Variants in TXNDC8 observed in about 807,000 individuals in gnomAD.
TXNDC8 encodes the protein thioredoxin domain-containing protein 8.
In TXNDC8, 15 loss-of-function variants were observed where a neutral mutation model predicts 12.9. The observed-to-expected ratio is 1.16, with a 90% CI of 0.78 to 1.79. The LOEUF (loss-of-function observed/expected upper bound fraction) is 1.79, where lower values mean the gene tolerates loss of function less well. Ranked by LOEUF, TXNDC8 falls within the 40% of genes most tolerant of loss-of-function variation. TXNDC8 has a pLI of 0.00. For missense variants in TXNDC8, 128 were observed against 113.2 expected (o/e 1.13, Z -0.59); for synonymous variants, 40 against 35.4 (o/e 1.13, Z -0.46).
At chr9:110,318,284 G>A (rs141571170) in intron 3 of TXNDC8, among the ~76,000 whole-genome samples, 12 of 152,088 alleles carry the variant, frequency 7.9e-5, no homozygotes, top group African/African-American at 2.4e-4. Context: ...TTTTTTCTGC[G>A]CTTTTTCTCT....
chr9:110,316,033 G>A (rs1360147108), intron 3 of TXNDC8, among the ~76,000 whole-genome samples: 5 of 151,706 alleles, frequency 3.3e-5, no homozygotes, highest in African/African-American at 1.2e-4. Context: ...GAGTAGCTGG[G>A]ATTATAGACA....
chr9:110,304,076 G>C (rs925871594), intron 4 of TXNDC8, among the ~76,000 whole-genome samples: 3 of 152,204 alleles, frequency 2.0e-5, no homozygotes, highest in Non-Finnish European at 2.9e-5. Context: ...GCATTTCATA[G>C]TGGATGGTAT....
intron 3 of TXNDC8, among the ~76,000 whole-genome samples, chr9:110,325,134 A>T (rs75588949): frequency 0.13 from 19,159 of 151,998 alleles, 1,403 homozygotes; most frequent in African/African-American, 0.2. Context: ...CCCCCGAAAA[A>T]AAAAGAACAA....
intron 3 of TXNDC8, among the ~76,000 whole-genome samples, chr9:110,319,372 G>A (rs1385274164): frequency 6.6e-6 from 1 of 152,166 alleles, no homozygotes; most frequent in Non-Finnish European, 1.5e-5. Flanking sequence ...TCAGAGAGAT[G>A]GCCGTGCACA....
intron 2 of TXNDC8, among the ~76,000 whole-genome samples, chr9:110,326,940 G>GCACACA (rs377527245): frequency 0.093 from 13,253 of 142,846 alleles, 684 homozygotes; most frequent in Middle Eastern, 0.21. Flanking sequence ...TGCTACTCAT[G>GCACACA]CACACACACA....
intron 3 of TXNDC8, among the ~76,000 whole-genome samples, chr9:110,304,849 G>C (rs1033113830): frequency 3.3e-5 from 5 of 152,106 alleles, no homozygotes; most frequent in African/African-American, 1.2e-4. Context: ...CCTGTTTTTG[G>C]ACTTTTAAAG....
rs563547209 is a variant in TXNDC8, at chr9:110,304,631, G to T, written c.196-99C>A. The T allele has an allele frequency of 1.8e-5, 20 of 1,104,624 alleles. No homozygotes were observed. In the African/African-American group the frequency reaches 2.2e-4, roughly 12 times the overall value. The allele number at this position is 1,104,624 out of a possible 1,614,324, so 68.4% of individuals were successfully genotyped here. A position where few individuals can be genotyped will look rare whatever the true frequency, so the allele number is the denominator to read the frequency against. ...TTTTGGCCTTGGCCAGGGAAGGAAG[G>T]TGTCAGAAAGGATCTGCAAAAGTTT... is the stretch of plus-strand genomic sequence containing the variant. On this transcript the variant is annotated intron_variant, in intron 3 of 4. Coordinates refer to ENST00000423740, the MANE Select transcript of TXNDC8 (RefSeq NM_001286946.2).
At chr9:110,313,451 A>C (rs1838764424) in intron 3 of TXNDC8, among the ~76,000 whole-genome samples, 1 of 152,114 alleles carries the variant, frequency 6.6e-6, no homozygotes, top group South Asian at 2.1e-4. Context: ...CTGTAATCTC[A>C]GCACTTTGGG....
intron 3 of TXNDC8, among the ~76,000 whole-genome samples, chr9:110,311,075 G>C (rs1426908291): frequency 6.6e-6 from 1 of 152,162 alleles, no homozygotes. Context: ...AGTTAGTTTG[G>C]CCTATGCCCA....
At chr9:110,318,271 C>CT (rs556241927) in intron 3 of TXNDC8, among the ~76,000 whole-genome samples, 8 of 152,202 alleles carry the variant, frequency 5.3e-5, no homozygotes, top group South Asian at 4.2e-4. Context: ...CAATGCATAT[C>CT]TTTTTTTTCT....
At chr9:110,333,084 A>T (rs1839605447) in intron 2 of TXNDC8, among the ~76,000 whole-genome samples, 1 of 152,162 alleles carries the variant, frequency 6.6e-6, no homozygotes, top group African/African-American at 2.4e-5. Flanking sequence ...ACAGGGAAGG[A>T]GTAAATGAGT....
chr9:110,321,199 G>C (rs1484445468), intron 3 of TXNDC8, among the ~76,000 whole-genome samples: 1 of 152,228 alleles, frequency 6.6e-6, no homozygotes, highest in African/African-American at 2.4e-5. Context: ...ATGTTGCAGT[G>C]TGGGGGTGGC....
In TXNDC8 at chr9:110,323,958, T is replaced by C. The variant is rs1052225442; in HGVS notation, c.195+2217A>G. On this transcript the variant is annotated intron_variant, in intron 3 of 4. Transcript: ENST00000423740. ...ACTGGAGTCAAGGGTCCATTTCTGA[T>C]GGGGATGGAGTTCACTGGTTGGTGT... is the stretch of plus-strand genomic sequence containing the variant. The C allele has an allele frequency of 1.0e-5, 16 of 1,550,856 alleles. No homozygotes were observed. In the African/African-American group the frequency reaches 2.2e-4, roughly 21 times the overall value.
Position 110,304,543 on chromosome 9 carries a change from G to A in TXNDC8, c.196-11C>T. 6.3e-7 allele frequency: 1 copy of A among 1,597,396 alleles called. No homozygotes were observed. Among genetic ancestry groups the A allele is most frequent in the Non-Finnish European group, 8.6e-7 (1 of 1,169,506 alleles). Reference sequence around the variant, plus strand: ...TGAGAATAGGGTTACCTAAGTGTGGGTGCAGAATTTCATAATTTATCTGAG... The same window carrying A: ...TGAGAATAGGGTTACCTAAGTGTGGATGCAGAATTTCATAATTTATCTGAG... On this transcript the variant is annotated splice_polypyrimidine_tract_variant and intron_variant, in intron 3 of 4. Transcript: ENST00000423740.
At chr9:110,308,265 A>G (rs887327010) in intron 3 of TXNDC8, among the ~76,000 whole-genome samples, 2 of 152,176 alleles carry the variant, frequency 1.3e-5, no homozygotes, top group African/African-American at 2.4e-5. Flanking sequence ...TCCTGCTTTC[A>G]TGATGATGGA....
intron 1 of TXNDC8, among the ~76,000 whole-genome samples, chr9:110,336,463 C>G (rs938390716): frequency 4.6e-5 from 7 of 152,292 alleles, no homozygotes; most frequent in Admixed American, 4.6e-4. Flanking sequence ...TCTTCACTTT[C>G]CAGTAGTTGT....
At chr9:110,304,120 T>C (rs935908942) in intron 4 of TXNDC8, among the ~76,000 whole-genome samples, 3 of 152,236 alleles carry the variant, frequency 2.0e-5, no homozygotes, top group Non-Finnish European at 4.4e-5. Flanking sequence ...CTTAGTGGTA[T>C]ATAAAATAAT....
chr9:110,317,826 T>C (rs1838943143), intron 3 of TXNDC8, among the ~76,000 whole-genome samples: 2 of 152,248 alleles, frequency 1.3e-5, no homozygotes, highest in South Asian at 4.1e-4. Context: ...GTCTGGTTGC[T>C]TTCTTCTTGT....
chr9:110,332,636 T>C (rs1473806812), intron 2 of TXNDC8, among the ~76,000 whole-genome samples: 1 of 152,194 alleles, frequency 6.6e-6, no homozygotes, highest in Non-Finnish European at 1.5e-5. Context: ...TAAAGTTTTA[T>C]ACAATAAGGA....
Sources: allele counts gnomAD v4.1 joint callset (sites outside exome capture counted in the v4.1 genomes callset), GRCh38; gene constraint gnomAD v4.1.1; transcripts MANE v1.5; gene names NCBI Gene and HGNC (gene_info 2026-07-23, HGNC 2026-07-21).